Variants in TRIM5 observed in about 807,000 individuals in gnomAD.
TRIM5 encodes tripartite motif containing 5, also known as tripartite motif-containing protein 5.
A neutral mutation model predicts 35.6 loss-of-function variants in TRIM5; 31 were observed. The ratio of observed to expected loss-of-function variants is 0.87; its 90% CI spans 0.65 to 1.18. The LOEUF is 1.18. TRIM5 is among the 50% of genes most tolerant of loss of function. The pLI, the probability that TRIM5 is intolerant of heterozygous loss-of-function variation, is 0.00. For missense variants in TRIM5, 609 were observed against 591.6 expected (o/e 1.03, Z -0.31); for synonymous variants, 243 against 215.6 (o/e 1.13, Z -1.11).
At chr11:5,608,357 C>G in the TRIM5 span, 2 of 1,613,288 alleles carry the variant, frequency 1.2e-6, no homozygotes, top group South Asian at 2.2e-5. Flanking sequence ...CTTAACCTGT[C>G]TTTTTCCTTC....
intron 5 of TRIM5, 130 bp downstream of exon 5, chr11:5,667,559 T>A: frequency 1.0e-6 from 1 of 994,254 alleles, no homozygotes. Context: ...ACCAGAAATT[T>A]ATGATAAAAC....
the TRIM5 span, among the ~76,000 whole-genome samples, chr11:5,623,105 C>CTTT: frequency 6.6e-5 from 7 of 106,852 alleles, no homozygotes; most frequent in Admixed American, 2.0e-4. Context: ...CTGTCTGGAG[C>CTTT]TTTTTTTTTT....
the TRIM5 span, among the ~76,000 whole-genome samples, chr11:5,622,440 C>T: frequency 7.3e-6 from 1 of 137,676 alleles, no homozygotes; most frequent in East Asian, 2.4e-4. Context: ...GCGAGACTAC[C>T]TCTCAAAAAA....
chr11:5,641,909 C>T, the TRIM5 span, among the ~76,000 whole-genome samples: 3 of 152,178 alleles, frequency 2.0e-5, no homozygotes, highest in East Asian at 1.9e-4. Context: ...AAATATGCGC[C>T]ATTCCACTGG....
the TRIM5 span, among the ~76,000 whole-genome samples, chr11:5,614,412 G>A: frequency 3.9e-5 from 6 of 152,180 alleles, no homozygotes; most frequent in African/African-American, 1.4e-4. Context: ...GATGGGATTC[G>A]TAATATCTGC....
the TRIM5 span, among the ~76,000 whole-genome samples, chr11:5,629,528 T>C: frequency 2.0e-5 from 3 of 152,188 alleles, no homozygotes; most frequent in East Asian, 1.9e-4. Context: ...GTTCTGAGAA[T>C]TGGCATTGTA....
chr11:5,643,672 G>C, the TRIM5 span: 1 of 1,611,704 alleles, frequency 6.2e-7, no homozygotes. Context: ...CCTTGGAACT[G>C]TCCAGCTCCC....
intron 6 of TRIM5, 32 bp downstream of exon 6, chr11:5,665,949 C>T (rs778281937): frequency 1.3e-6 from 2 of 1,586,588 alleles, no homozygotes; most frequent in Non-Finnish European, 1.7e-6. Flanking sequence ...ACTTGAATTC[C>T]ATAACCCTGT....
intron 4 of TRIM5, among the ~76,000 whole-genome samples, chr11:5,671,009 T>C (rs1476211049): frequency 2.6e-5 from 4 of 152,060 alleles, no homozygotes; most frequent in African/African-American, 9.7e-5. Context: ...TTTGGGAGGC[T>C]GAGGCAAGTG....
At chr11:5,632,500 C>T in the TRIM5 span, 1 of 1,613,960 alleles carries the variant, frequency 6.2e-7, no homozygotes, top group East Asian at 2.2e-5. Flanking sequence ...AAGCAGCTGT[C>T]CTGTGTGTGG....
chr11:5,595,353 A>G, the TRIM5 span: 1 of 152,258 alleles, frequency 6.6e-6, no homozygotes, highest in African/African-American at 2.4e-5. Context: ...CATCAGACCT[A>G]AATAAAAACA....
the TRIM5 span, chr11:5,605,716 T>G: frequency 1.0e-6 from 1 of 984,316 alleles, no homozygotes; most frequent in East Asian, 2.6e-5. Context: ...TTAAACTGTT[T>G]AGAGGTATGG....
the TRIM5 span, chr11:5,610,564 A>G: frequency 6.2e-7 from 1 of 1,612,954 alleles, no homozygotes; most frequent in Non-Finnish European, 8.5e-7. Flanking sequence ...CTACTGGGGT[A>G]AGTAGAAGCC....
At chr11:5,655,571 A>G in the TRIM5 span, 2 of 871,108 alleles carry the variant, frequency 2.3e-6, no homozygotes, top group South Asian at 1.1e-4. Context: ...AGTAAGAAAC[A>G]TTCATTTCTT....
the TRIM5 span, among the ~76,000 whole-genome samples, chr11:5,624,070 C>T: frequency 6.6e-6 from 1 of 152,130 alleles, no homozygotes; most frequent in African/African-American, 2.4e-5. Flanking sequence ...AAACGAGTGG[C>T]AACTCTTGTT....
In TRIM5 at chr11:5,664,844, C is replaced by T. The variant is rs756307458; in HGVS notation, c.1447G>A (p.Gly483Arg). 1.2e-6 allele frequency: 2 copies of T among 1,609,344 alleles called. No homozygotes were observed. The highest frequency in any genetic ancestry group is 1.7e-6 in the Non-Finnish European group (2 of 1,177,792). The change falls in exon 8 of 8, where the codon GGA becomes AGA. Residue 483 changes from glycine to arginine, a missense_variant. Physicochemically the swap from Gly to Arg is moderately radical, Grantham distance 125. Coordinates refer to ENST00000380034, the MANE Select transcript of TRIM5 (RefSeq NM_033034.3). ...GGTGAGCACAGAGTCATGGGGACTC[C>T]ACATTTTCTAGGATTTAAATATGGA... ...VFPYLNPRKC[G>R]VPMTLCSPSS
In TRIM5 at chr11:5,680,053, T is replaced by C. The variant is rs1852312404; in HGVS notation, c.125A>G (p.Asn42Ser). 6.2e-7 allele frequency: 1 copy of C among 1,614,130 alleles called. No homozygotes were observed. Among genetic ancestry groups the C allele is most frequent in the Non-Finnish European group, 8.5e-7 (1 of 1,180,032 alleles). The change falls in exon 2 of 8, where the codon AAC (asparagine) becomes AGC (serine). Residue 42 changes from asparagine to serine, a missense_variant. By Grantham distance (46) the Asn-to-Ser change is conservative (BLOSUM62 1). Coordinates refer to ENST00000380034, the MANE Select transcript of TRIM5 (RefSeq NM_033034.3). Reference protein sequence around the residue: ...HSFCQACLTANHKKSMLDKGE... With the variant: ...HSFCQACLTASHKKSMLDKGE... ...TTTGTCTAGCATGGACTTCTTGTGG[T>C]TTGCAGTGAGGCATGCTTGGCAGAA...
chr11:5,644,693 G>T, the TRIM5 span, among the ~76,000 whole-genome samples: 28 of 152,106 alleles, frequency 1.8e-4, no homozygotes, highest in Non-Finnish European at 4.1e-4. Flanking sequence ...CCGTGTGTCG[G>T]GGGGGTGGTG....
At chr11:5,668,613 C>A (rs1311111250) in intron 4 of TRIM5, among the ~76,000 whole-genome samples, 1 of 151,906 alleles carries the variant, frequency 6.6e-6, no homozygotes, top group Non-Finnish European at 1.5e-5. Context: ...TAATGCCCGG[C>A]TATTTTTTGT....
Sources: allele counts gnomAD v4.1 joint callset (sites outside exome capture counted in the v4.1 genomes callset), GRCh38; gene constraint gnomAD v4.1.1; transcripts MANE v1.5; gene names NCBI Gene and HGNC (gene_info 2026-07-23, HGNC 2026-07-21).